The following PRLR variants were observed in gnomAD, a reference collection of about 807,000 sequenced individuals.
The protein encoded by PRLR is prolactin receptor, also known as hPRL receptor.
In PRLR, 13 loss-of-function variants were observed where a neutral mutation model predicts 40.2. The ratio of observed to expected loss-of-function variants is 0.32; its 90% confidence interval spans 0.21 to 0.51. PRLR has a LOEUF of 0.51. PRLR is among the 20% of genes least tolerant of loss of function. The pLI, the probability that PRLR is intolerant of heterozygous loss-of-function variation, is 0.97. For missense variants in PRLR, 656 were observed against 747.3 expected (o/e 0.88, Z 1.42); for synonymous variants, 269 against 278.7 (o/e 0.97, Z 0.35).
chr5:35,192,341 C>T (rs1285557449), intron 1 of PRLR, among the ~76,000 whole-genome samples: 1 of 152,146 alleles, frequency 6.6e-6, no homozygotes, highest in Non-Finnish European at 1.5e-5. Flanking sequence ...TGAGCTAGTG[C>T]CATCCTCAGC....
chr5:35,067,604 A>T (rs1769460768), intron 9 of PRLR, among the ~76,000 whole-genome samples: 1 of 152,242 alleles, frequency 6.6e-6, no homozygotes, highest in Non-Finnish European at 1.5e-5. Flanking sequence ...TGTTAAGCTT[A>T]AAAGCCAAAC....
chr5:35,175,395 G>A (rs1208967736), intron 1 of PRLR, among the ~76,000 whole-genome samples: 1 of 152,162 alleles, frequency 6.6e-6, no homozygotes, highest in East Asian at 1.9e-4. Context: ...ATATGGAACT[G>A]TAAGTCCATT....
chr5:35,228,439 C>A (rs573554006), intron 1 of PRLR, among the ~76,000 whole-genome samples: 1 of 152,246 alleles, frequency 6.6e-6, no homozygotes, highest in South Asian at 2.1e-4. Flanking sequence ...AGTCCTTAGT[C>A]CTCTAAAGGC....
chr5:35,122,477 C>G (rs147094375), intron 1 of PRLR, among the ~76,000 whole-genome samples: 114 of 152,266 alleles, frequency 7.5e-4, no homozygotes, highest in Admixed American at 5.9e-3. Flanking sequence ...CGTTCAGCTC[C>G]CACTTATAAG....
At chr5:35,104,800 A>G (rs901181068) in intron 2 of PRLR, among the ~76,000 whole-genome samples, 2 of 135,464 alleles carry the variant, frequency 1.5e-5, no homozygotes, top group East Asian at 4.1e-4. Context: ...GGGGCAGGGC[A>G]TAGTGGAAAA....
At chr5:35,111,409 T>C (rs1772652486) in intron 2 of PRLR, among the ~76,000 whole-genome samples, 1 of 152,234 alleles carries the variant, frequency 6.6e-6, no homozygotes, top group African/African-American at 2.4e-5. Flanking sequence ...ATGTTTTATC[T>C]TTTGAATATA....
chr5:35,108,800 T>G (rs1212336272), intron 2 of PRLR, among the ~76,000 whole-genome samples: 1 of 152,162 alleles, frequency 6.6e-6, no homozygotes, highest in African/African-American at 2.4e-5. Context: ...CCAAAGTAAT[T>G]TCTAGATTCA....
At chr5:35,147,441 T>C (rs758906435) in intron 1 of PRLR, among the ~76,000 whole-genome samples, 22 of 152,220 alleles carry the variant, frequency 1.4e-4, no homozygotes, top group Non-Finnish European at 2.9e-4. Flanking sequence ...ATGAACTGCA[T>C]ATTCATTTCA....
At position 35,104,303 on chromosome 5, in the gene PRLR, G is replaced by A. The variant is rs558876299; in HGVS notation, c.-44+13758C>T. On this transcript the variant is annotated intron_variant, in intron 2 of 9. Transcript: ENST00000618457. ...ACAGCTCCAGTCCACAGCTCCCAGC[G>A]TGAGCAATGCAGAAGACGGGTGATT... is the stretch of plus-strand genomic sequence containing the variant. Among the ~76,000 whole-genome samples the A allele has an allele frequency of 4.4e-4, 67 of 152,312 alleles. No homozygotes were observed. In the South Asian group the frequency reaches 6.6e-3, roughly 15 times the overall value.
chr5:35,196,035 T>TAAATA (rs59078228), intron 1 of PRLR, among the ~76,000 whole-genome samples: 1 of 149,166 alleles, frequency 6.7e-6, no homozygotes, highest in East Asian at 2.1e-4. Flanking sequence ...CGGCTCTCCC[T>TAAATA]AAATAAAATA....
intron 1 of PRLR, among the ~76,000 whole-genome samples, chr5:35,214,406 G>A (rs966539505): frequency 3.3e-5 from 5 of 152,142 alleles, no homozygotes; most frequent in African/African-American, 7.2e-5. Flanking sequence ...CATGTGTTAC[G>A]CACTGCTCGA....
chr5:35,162,824 C>T (rs1170831683), intron 1 of PRLR, among the ~76,000 whole-genome samples: 1 of 152,174 alleles, frequency 6.6e-6, no homozygotes, highest in South Asian at 2.1e-4. Context: ...CATTGTGACC[C>T]CTTGTAAGTA....
At chr5:35,175,232 G>C (rs1235688452) in intron 1 of PRLR, among the ~76,000 whole-genome samples, 22 of 152,136 alleles carry the variant, frequency 1.4e-4, no homozygotes, top group Non-Finnish European at 2.9e-5. Flanking sequence ...TTCCCATGCT[G>C]TTCTCATAAT....
chr5:35,081,144 A>G (rs1330703053), intron 5 of PRLR: 1 of 152,776 alleles, frequency 6.5e-6, no homozygotes, highest in Non-Finnish European at 1.5e-5. Context: ...TACATATGTA[A>G]CAAACCTGCA....
At chr5:35,225,975 C>G (rs1206039009) in intron 1 of PRLR, among the ~76,000 whole-genome samples, 1 of 152,254 alleles carries the variant, frequency 6.6e-6, no homozygotes, top group Non-Finnish European at 1.5e-5. Context: ...AGCCACCACA[C>G]CTGGCCAAGA....
At chr5:35,130,999 C>T (rs573906674) in intron 1 of PRLR, among the ~76,000 whole-genome samples, 14 of 152,112 alleles carry the variant, frequency 9.2e-5, no homozygotes, top group Non-Finnish European at 1.9e-4. Flanking sequence ...GGAGCATGGC[C>T]CTGCTGAAAC....
intron 2 of PRLR, among the ~76,000 whole-genome samples, chr5:35,111,882 G>A (rs150480262): frequency 6.6e-6 from 1 of 152,278 alleles, no homozygotes; most frequent in East Asian, 1.9e-4. Flanking sequence ...AAAATAAAAT[G>A]TGATTACTTT....
Position 35,072,681 on chromosome 5 carries a change from T to C in PRLR, c.437A>G (p.Tyr146Cys). ...EVKQPEDRKP[Y>C]LWIKWSPPTL... ...AGGTGGAGACCATTTAATCCACAGG[T>C]AGGGTTTTCTGTCTTCTGGCTGTTT... Residue 146 changes from tyrosine to cysteine, a missense_variant, in exon 6 of 10, where the codon TAC becomes TGC. Around this residue, in one of 3 missense-constraint regions of PRLR, gnomAD observed 180 missense variants for 236.8 expected, o/e 0.76. Transcript: ENST00000618457. The C allele has an allele frequency of 6.2e-7, 1 of 1,614,190 alleles. No individual in the cohort carries two copies. Among genetic ancestry groups the C allele is most frequent in the Non-Finnish European group, 8.5e-7 (1 of 1,180,016 alleles).
chr5:35,199,817 G>A (rs11955662), intron 1 of PRLR, among the ~76,000 whole-genome samples: 1 of 151,882 alleles, frequency 6.6e-6, no homozygotes, highest in Non-Finnish European at 1.5e-5. Flanking sequence ...ATTTGCACCC[G>A]AAGGTATTAA....
Sources: allele counts gnomAD v4.1 joint callset (sites outside exome capture counted in the v4.1 genomes callset), GRCh38; gene constraint gnomAD v4.1.1; regional missense constraint gnomAD v4.1.1; transcripts MANE v1.5; gene names NCBI Gene and HGNC (gene_info 2026-07-23, HGNC 2026-07-21).